The following SH3PXD2A variants were observed in gnomAD, a reference collection of about 807,000 sequenced individuals.
The protein encoded by SH3PXD2A is SH3 and PX domains 2A.
In SH3PXD2A, 32 loss-of-function variants were observed where a neutral mutation model predicts 115.2. The ratio of observed to expected loss-of-function variants is 0.28; its 90% CI spans 0.21 to 0.37. The LOEUF (loss-of-function observed/expected upper bound fraction) is 0.37, where lower values mean the gene tolerates loss of function less well. Ranked by LOEUF, SH3PXD2A falls within the 10% of genes least tolerant of loss-of-function variation. SH3PXD2A has a pLI of 1.00. For synonymous variants in SH3PXD2A, 610 were observed against 629.1 expected (o/e 0.97, Z 0.45); for missense variants, 1,328 against 1,498.7 (o/e 0.89, Z 1.88).
At chr10:103,682,040 T>C (rs1414840101) in intron 6 of SH3PXD2A, among the ~76,000 whole-genome samples, 1 of 152,254 alleles carries the variant, frequency 6.6e-6, no homozygotes, top group Non-Finnish European at 1.5e-5. Flanking sequence ...CTTTTGCCCA[T>C]GCAGTTCCCT....
intron 3 of SH3PXD2A, among the ~76,000 whole-genome samples, chr10:103,747,461 G>A (rs1042659643): frequency 2.0e-5 from 3 of 152,178 alleles, no homozygotes; most frequent in Non-Finnish European, 2.9e-5. Context: ...CAGGAAAGAC[G>A]GTGGGACGCT....
chr10:103,700,928 A>G (rs981922340), intron 5 of SH3PXD2A, among the ~76,000 whole-genome samples: 1 of 151,924 alleles, frequency 6.6e-6, no homozygotes, highest in African/African-American at 2.4e-5. Context: ...ACCTTCCCTG[A>G]CTCTCTCCAA....
intron 11 of SH3PXD2A, among the ~76,000 whole-genome samples, chr10:103,614,687 C>T (rs1302916421): frequency 1.3e-5 from 2 of 152,164 alleles, no homozygotes; most frequent in Non-Finnish European, 2.9e-5. Context: ...GTTGCAATGT[C>T]CCCATCTGCT....
chr10:103,732,414 C>G (rs1356188567), intron 4 of SH3PXD2A, among the ~76,000 whole-genome samples: 2 of 152,198 alleles, frequency 1.3e-5, no homozygotes, highest in African/African-American at 4.8e-5. Context: ...TCATAGACAC[C>G]TGACCCTCAA....
chr10:103,745,335 A>G (rs750358098), intron 3 of SH3PXD2A, among the ~76,000 whole-genome samples: 1 of 152,164 alleles, frequency 6.6e-6, no homozygotes, highest in Non-Finnish European at 1.5e-5. Flanking sequence ...TTTTTTCTTA[A>G]GCCAGATTGA....
chr10:103,696,735 A>T (rs1330230963), intron 5 of SH3PXD2A, among the ~76,000 whole-genome samples: 2 of 152,166 alleles, frequency 1.3e-5, no homozygotes, highest in Non-Finnish European at 2.9e-5. Context: ...GTAATTGAAA[A>T]GGCCTCCCAA....
intron 3 of SH3PXD2A, among the ~76,000 whole-genome samples, chr10:103,766,379 T>G (rs928472473): frequency 6.6e-6 from 1 of 152,228 alleles, no homozygotes; most frequent in Non-Finnish European, 1.5e-5. Context: ...GAGCCAGACA[T>G]GGACCAGGAG....
intron 1 of SH3PXD2A, among the ~76,000 whole-genome samples, chr10:103,821,986 C>T (rs1317557387): frequency 6.6e-6 from 1 of 152,104 alleles, no homozygotes; most frequent in Non-Finnish European, 1.5e-5. Flanking sequence ...TCACTGCAAC[C>T]TCTGCCTCCT....
intron 1 of SH3PXD2A, among the ~76,000 whole-genome samples, chr10:103,820,740 G>A (rs1197687858): frequency 2.0e-5 from 3 of 152,058 alleles, no homozygotes; most frequent in Non-Finnish European, 4.4e-5. Context: ...GGGCGGGGGG[G>A]TTGGGCGCCC....
Position 103,611,620 on chromosome 10 carries a change from G to A in SH3PXD2A, c.1269C>T (p.Asn423=). ...APQRAQISSP[N]LRTRPPPRRE... is the part of the protein sequence containing the mutation. ...TGCGTGGTGGAGGTCTTGTCCGTAG[G>A]TTCGGGGAGCCTAGAGGAAGAGACA... Residue 423 remains asparagine, a synonymous_variant, in exon 13 of 15, where the codon AAC becomes AAT. Coordinates refer to ENST00000369774, the MANE Select transcript of SH3PXD2A (RefSeq NM_001394015.1). The A allele has an allele frequency of 6.2e-7, 1 of 1,614,072 alleles. No homozygotes were observed. The highest frequency in any genetic ancestry group is 1.1e-5 in the South Asian group (1 of 91,078).
At chr10:103,677,811 G>T (rs1247580107) in intron 6 of SH3PXD2A, among the ~76,000 whole-genome samples, 1 of 152,188 alleles carries the variant, frequency 6.6e-6, no homozygotes, top group East Asian at 1.9e-4. Context: ...AGTGGCTGAT[G>T]GAAAGATGAA....
At chr10:103,788,285 GT>G (rs2038999643) in intron 2 of SH3PXD2A, among the ~76,000 whole-genome samples, 2 of 152,168 alleles carry the variant, frequency 1.3e-5, no homozygotes. Flanking sequence ...CTCCTGGAGG[GT>G]AACTCAGGTT....
intron 1 of SH3PXD2A, among the ~76,000 whole-genome samples, chr10:103,810,851 GAC>G (rs2134276763): frequency 9.3e-6 from 1 of 107,738 alleles, no homozygotes; most frequent in African/African-American, 3.0e-5. Context: ...CACACACACA[GAC>G]ACACACATAC....
intron 1 of SH3PXD2A, among the ~76,000 whole-genome samples, chr10:103,806,808 T>G (rs1255131257): frequency 6.6e-6 from 1 of 152,194 alleles, no homozygotes; most frequent in Non-Finnish European, 1.5e-5. Flanking sequence ...AGCAACTGCT[T>G]CCAGCTTCCC....
At chr10:103,817,269 G>A (rs1418536127) in intron 1 of SH3PXD2A, among the ~76,000 whole-genome samples, 1 of 151,932 alleles carries the variant, frequency 6.6e-6, no homozygotes, top group Non-Finnish European at 1.5e-5. Context: ...ATAAAGCCCA[G>A]TACCCGACAG....
chr10:103,698,879 G>C (rs1428639939), intron 5 of SH3PXD2A, among the ~76,000 whole-genome samples: 1 of 152,002 alleles, frequency 6.6e-6, no homozygotes, highest in South Asian at 2.1e-4. Flanking sequence ...AAAGGACAAG[G>C]GGGTTTGGAT....
At chr10:103,800,812 G>A (rs530429988) in intron 2 of SH3PXD2A, among the ~76,000 whole-genome samples, 1 of 152,226 alleles carries the variant, frequency 6.6e-6, no homozygotes, top group African/African-American at 2.4e-5. Context: ...GCCTCATTCG[G>A]TCAGACAGAC....
chr10:103,694,279 T>G (rs548393837), intron 5 of SH3PXD2A, among the ~76,000 whole-genome samples: 4,390 of 144,832 alleles, frequency 0.03, 184 homozygotes, highest in African/African-American at 0.1. Context: ...AAGGCGGGGT[T>G]GGGGGTTTGG....
rs147240113 is a variant in SH3PXD2A at position 103,757,305 on chromosome 10, G to A, written c.229+9789C>T. On this transcript the variant is annotated intron_variant, in intron 3 of 14. Transcript: ENST00000369774. ...CTTAACTTCTTCAATTTTGTGCCAT[G>A]GTGATTAGCATGGGGTGCACTAGAA... is the stretch of plus-strand genomic sequence containing the variant. Among the ~76,000 whole-genome samples the A allele has an allele frequency of 3.7e-3, 562 of 152,278 alleles. 3 individuals are homozygous for A. The highest frequency in any genetic ancestry group is 5.6e-3 in the Non-Finnish European group (383 of 68,014).
Sources: gnomAD v4.1 joint callset for allele counts (sites outside exome capture counted in the v4.1 genomes callset) on GRCh38, gnomAD v4.1.1 for gene constraint, MANE v1.5 for transcripts, NCBI Gene and HGNC (gene_info 2026-07-23, HGNC 2026-07-21) for gene names.